Variants in AVEN observed in about 807,000 individuals in gnomAD.
The protein encoded by AVEN is cell death regulator Aven.
Under a neutral mutation model 38.1 loss-of-function variants are expected in AVEN, and 41 were observed. The observed-to-expected ratio is 1.08, with a 90% CI of 0.84 to 1.40. The LOEUF is 1.40. Ranked by LOEUF, AVEN falls within the 40% of genes most tolerant of loss-of-function variation. AVEN has a pLI of 0.00. For synonymous variants in AVEN, 206 were observed against 171.8 expected (o/e 1.20, Z -1.56); for missense variants, 605 against 438.8 (o/e 1.38, Z -3.38).
chr15:34,035,469 T>G (rs1567480708), intron 1 of AVEN, among the ~76,000 whole-genome samples: 1 of 152,208 alleles, frequency 6.6e-6, no homozygotes, highest in Non-Finnish European at 1.5e-5. Flanking sequence ...AGGAGCAGTT[T>G]AGAGCAGCAG....
chr15:33,899,169 C>T (rs938141344), intron 2 of AVEN, among the ~76,000 whole-genome samples: 3 of 20,552 alleles, frequency 1.5e-4, no homozygotes, highest in Non-Finnish European at 4.5e-4. Flanking sequence ...AACTGTGGTA[C>T]TCACCTCTGC....
At chr15:34,018,100 T>C (rs903004239) in intron 1 of AVEN, 7 of 152,242 alleles carry the variant, frequency 4.6e-5, no homozygotes, top group African/African-American at 1.7e-4. Context: ...AGTACAGTCA[T>C]TCTACTTACT....
At chr15:33,931,089 ACTTTT>A (rs930044192) in intron 2 of AVEN, among the ~76,000 whole-genome samples, 3 of 152,096 alleles carry the variant, frequency 2.0e-5, no homozygotes, top group Non-Finnish European at 2.9e-5. Context: ...AGACGTTAGT[ACTTTT>A]CTTTTGTCTT....
chr15:33,867,336 AG>A (rs142129057), intron 5 of AVEN, among the ~76,000 whole-genome samples, 158 bp downstream of exon 5: 4,067 of 152,252 alleles, frequency 0.027, 186 homozygotes, highest in African/African-American at 0.091. Flanking sequence ...AGGTCAGCTC[AG>A]GGGGAAGCAG....
At chr15:34,071,180 T>C (rs960650774) in intron 1 of AVEN, among the ~76,000 whole-genome samples, 8 of 152,340 alleles carry the variant, frequency 5.3e-5, no homozygotes, top group Non-Finnish European at 1.2e-4. Flanking sequence ...AATGGATCTT[T>C]AGTGGTGTCC....
At chr15:33,969,072 G>A (rs1895517069) in intron 2 of AVEN, 2 of 152,080 alleles carry the variant, frequency 1.3e-5, no homozygotes, top group African/African-American at 4.8e-5. Context: ...AAGGAAAGTA[G>A]AGAAGGCATT....
intron 1 of AVEN, among the ~76,000 whole-genome samples, chr15:34,021,717 T>C (rs1022117695): frequency 3.3e-5 from 5 of 151,750 alleles, no homozygotes; most frequent in African/African-American, 1.2e-4. Flanking sequence ...TAACTGGACA[T>C]GGTGGCAGGT....
chr15:33,985,372 A>AGT, intron 2 of AVEN, among the ~76,000 whole-genome samples: 1 of 150,698 alleles, frequency 6.6e-6, no homozygotes, highest in East Asian at 2.0e-4. Flanking sequence ...CACTGAGCTG[A>AGT]GTGTTCCTTT....
intron 4 of AVEN, among the ~76,000 whole-genome samples, 160 bp downstream of exon 4, chr15:33,870,775 T>C (rs1017286668): frequency 2.0e-5 from 3 of 152,220 alleles, no homozygotes; most frequent in African/African-American, 7.2e-5. Flanking sequence ...CAAAAAATTT[T>C]TGGATTCTCC....
chr15:33,885,443 TC>T (rs1891663711), intron 2 of AVEN, among the ~76,000 whole-genome samples: 1 of 152,196 alleles, frequency 6.6e-6, no homozygotes, highest in African/African-American at 2.4e-5. Context: ...AGATGTGATG[TC>T]CTTCACCTCA....
chr15:33,888,815 A>T (rs1234721035), intron 2 of AVEN, among the ~76,000 whole-genome samples: 1 of 152,094 alleles, frequency 6.6e-6, no homozygotes, highest in East Asian at 1.9e-4. Context: ...CAGTGGCGCG[A>T]TCTTGGCTCA....
At chr15:34,027,173 T>C (rs1898517064) in intron 1 of AVEN, among the ~76,000 whole-genome samples, 1 of 152,126 alleles carries the variant, frequency 6.6e-6, no homozygotes, top group African/African-American at 2.4e-5. Flanking sequence ...TAAATCTCAG[T>C]ATGAACAGTA....
chr15:33,861,186 T>C (rs1398120710), intron 11 of AVEN: 2 of 1,571,922 alleles, frequency 1.3e-6, no homozygotes, highest in Non-Finnish European at 1.7e-6. Context: ...CTTGTGAGTA[T>C]TCTTGGTTAA....
In AVEN at chr15:33,868,544, C is replaced by CAAA. The variant is rs35851228; in HGVS notation, c.613-692_613-690dup. ...TGGGCAACAGAATGAGACTCCGTCT[C>CAAA]AAAAAAAAAAAAAAAAAAAAAAAAG... On this transcript the variant is annotated intron_variant, in intron 4 of 5. Coordinates refer to ENST00000306730, the MANE Select transcript of AVEN (RefSeq NM_020371.3). 3.8e-3 allele frequency among the ~76,000 whole-genome samples: 252 copies of CAAA among 65,842 alleles called. 6 individuals carry two copies. Among genetic ancestry groups the CAAA allele is most frequent in the African/African-American group, 6.9e-3 (151 of 21,942 alleles). 43.2% of individuals were successfully genotyped at this position (65,842 alleles called of 152,430 possible).
At chr15:34,038,262 AT>A (rs547440707) in intron 1 of AVEN, among the ~76,000 whole-genome samples, 78 of 152,342 alleles carry the variant, frequency 5.1e-4, no homozygotes, top group African/African-American at 1.9e-3. Context: ...CGTAGGGGTC[AT>A]TCTTTCACTC....
At chr15:34,060,429 A>G (rs1331298937) in intron 5 of AVEN, among the ~76,000 whole-genome samples, 2 of 152,222 alleles carry the variant, frequency 1.3e-5, no homozygotes, top group African/African-American at 4.8e-5. Flanking sequence ...TACAGCTGAA[A>G]ATATAAAGCA....
Position 34,064,026 on chromosome 15 carries a change from G to A in AVEN, n.1127-594C>T, listed in dbSNP as rs756372866. On this transcript the variant is annotated intron_variant and non_coding_transcript_variant, in intron 4 of 11. Coordinates refer to the AVEN transcript ENST00000675287. ...ACGAAAGAGAGTGGTCCTAGTCAAA[G>A]AGAGGAAAGCAGCCCAGACACTGAG... 1.9e-6 allele frequency: 3 copies of A among 1,614,182 alleles called. No individual in the cohort carries two copies. In the South Asian group the frequency reaches 3.3e-5, roughly 18 times the overall value.
chr15:33,875,475 C>G (rs1267520957), intron 3 of AVEN, among the ~76,000 whole-genome samples: 1 of 152,072 alleles, frequency 6.6e-6, no homozygotes, highest in African/African-American at 2.4e-5. Context: ...AATATTTGCC[C>G]TTATTTTATA....
downstream of AVEN, chr15:33,864,160 A>G: frequency 6.2e-7 from 1 of 1,612,116 alleles, no homozygotes; most frequent in Non-Finnish European, 8.5e-7. Flanking sequence ...GTATTTGATT[A>G]ATAAAGATGA....
Sources: allele counts gnomAD v4.1 joint callset (sites outside exome capture counted in the v4.1 genomes callset), GRCh38; gene constraint gnomAD v4.1.1; transcripts MANE v1.5; gene names NCBI Gene and HGNC (gene_info 2026-07-23, HGNC 2026-07-21).